UBE2U: variants seen among roughly 807,000 people sequenced by gnomAD.
UBE2U encodes the protein ubiquitin-conjugating enzyme E2 U.
In UBE2U, 39 loss-of-function variants were observed where a neutral mutation model predicts 41.2. That is an observed-to-expected ratio of 0.95 (90% CI 0.73 to 1.24). The LOEUF (loss-of-function observed/expected upper bound fraction) is 1.24, where lower values mean the gene tolerates loss of function less well. UBE2U is among the 50% of genes most tolerant of loss of function. The pLI, the probability that UBE2U is intolerant of heterozygous loss-of-function variation, is 0.00. For missense variants in UBE2U, 336 were observed against 363.1 expected, an observed-to-expected ratio of 0.93 and a Z score of 0.61; for synonymous variants, 107 against 117.8, an observed-to-expected ratio of 0.91 and a Z score of 0.60.
chr1:64,237,282 G>A (rs1040296278), intron 7 of UBE2U, among the ~76,000 whole-genome samples: 2 of 138,158 alleles, frequency 1.4e-5, no homozygotes, highest in East Asian at 2.2e-4. Context: ...CCGTACAGAT[G>A]TTGGACAAGA....
intron 6 of UBE2U, among the ~76,000 whole-genome samples, chr1:64,223,887 G>A (rs985098214): frequency 2.6e-5 from 4 of 152,156 alleles, no homozygotes; most frequent in African/African-American, 9.7e-5. Flanking sequence ...GCTACAGCAG[G>A]ACATCTTTCC....
chr1:64,224,493 C>A (rs976800652), intron 6 of UBE2U, among the ~76,000 whole-genome samples: 1 of 152,046 alleles, frequency 6.6e-6, no homozygotes, highest in African/African-American at 2.4e-5. Flanking sequence ...GAGGCCGAGG[C>A]GGGTGGATCA....
Position 64,267,215 on chromosome 1 carries a change from C to T in UBE2U, c.*7C>T, listed in dbSNP as rs1329240243. 2 of 1,484,706 alleles carry T rather than the reference C, an allele frequency of 1.3e-6. No individual in the cohort carries two copies. Among genetic ancestry groups the T allele is most frequent in the African/African-American group, 2.9e-5 (2 of 69,840 alleles). 92.0% of individuals were successfully genotyped at this position (1,484,706 alleles called of 1,614,324 possible). On this transcript the variant is annotated 3_prime_UTR_variant, in exon 10 of 10. Transcript: ENST00000371077. ...AAATACTTCAGAAGATTAAGCAGAA[C>T]ATTATCAGATTCAAAAAATAAACAG...
At chr1:64,224,935 TCACACACA>T (rs34259884) in intron 6 of UBE2U, among the ~76,000 whole-genome samples, 66 of 146,930 alleles carry the variant, frequency 4.5e-4, no homozygotes, top group African/African-American at 8.9e-4. Context: ...TAGGATATTA[TCACACACA>T]CACACACACA....
At chr1:64,255,111 A>G (rs1645069380) in intron 8 of UBE2U, among the ~76,000 whole-genome samples, 2 of 152,162 alleles carry the variant, frequency 1.3e-5, no homozygotes, top group South Asian at 4.1e-4. Context: ...CCACAGAAAT[A>G]CAAACAACAA....
At chr1:64,244,104 T>C in intron 8 of UBE2U, 1 of 1,556,128 alleles carries the variant, frequency 6.4e-7, no homozygotes, top group Non-Finnish European at 8.9e-7. Flanking sequence ...TTTAAAACTT[T>C]ACTGTGGCCC....
chr1:64,267,342 T>G lies in UBE2U; in HGVS notation c.*134T>G, dbSNP rs1305521150. 2 of 702,216 alleles carry G rather than the reference T, an allele frequency of 2.8e-6. No individual in the cohort carries two copies. Among genetic ancestry groups the G allele is most frequent in the Non-Finnish European group, 2.2e-6 (1 of 447,448 alleles). The allele number at this position is 702,216 out of a possible 1,614,324, so 43.5% of individuals were successfully genotyped here. ...CTCACCCACTCACTGCAAGTACAAA[T>G]TAGAAATATAAGTACAAATCAGTAA... On this transcript the variant is annotated 3_prime_UTR_variant, in exon 10 of 10. Transcript: ENST00000371077.
At chr1:64,228,501 GC>G (rs1653035269) in intron 6 of UBE2U, among the ~76,000 whole-genome samples, 1 of 152,132 alleles carries the variant, frequency 6.6e-6, no homozygotes, top group African/African-American at 2.4e-5. Context: ...ACCATGGTGT[GC>G]TTGGATTAGT....
intron 8 of UBE2U, 105 bp from the exon 9 acceptor site, chr1:64,260,498 T>C (rs1176262937): frequency 2.4e-6 from 2 of 827,956 alleles, no homozygotes; most frequent in Non-Finnish European, 3.7e-6. Context: ...AGCCTATTGT[T>C]CTACTTTTAT....
intron 8 of UBE2U, among the ~76,000 whole-genome samples, chr1:64,242,828 T>C (rs1644857826): frequency 6.6e-6 from 1 of 152,186 alleles, no homozygotes; most frequent in Admixed American, 6.5e-5. Flanking sequence ...CATGTTTTTT[T>C]CCTGAAGGCA....
intron 8 of UBE2U, among the ~76,000 whole-genome samples, chr1:64,255,742 A>G: frequency 6.6e-6 from 1 of 152,160 alleles, no homozygotes; most frequent in Non-Finnish European, 1.5e-5. Flanking sequence ...CCTATTCAAC[A>G]TAGTATTGGA....
At chr1:64,226,963 G>A (rs115502921) in intron 6 of UBE2U, among the ~76,000 whole-genome samples, 1 of 152,130 alleles carries the variant, frequency 6.6e-6, no homozygotes, top group Non-Finnish European at 1.5e-5. Flanking sequence ...AGAAAGCAAG[G>A]TTGGTTTAAT....
chr1:64,213,827 T>C (rs1360484710), intron 4 of UBE2U, among the ~76,000 whole-genome samples: 1 of 152,220 alleles, frequency 6.6e-6, no homozygotes, highest in East Asian at 1.9e-4. Context: ...CAAGATGGTA[T>C]AGCTTAATAC....
intron 8 of UBE2U, among the ~76,000 whole-genome samples, chr1:64,259,716 ATTT>A (rs1326738489): frequency 6.6e-6 from 1 of 151,994 alleles, no homozygotes; most frequent in Non-Finnish European, 1.5e-5. Flanking sequence ...ATTTTGTAAA[ATTT>A]TTGATTTCCA....
At chr1:64,224,821 C>T (rs997952468) in intron 6 of UBE2U, among the ~76,000 whole-genome samples, 1 of 151,848 alleles carries the variant, frequency 6.6e-6, no homozygotes, top group African/African-American at 2.4e-5. Context: ...TGTAACTACA[C>T]TTAACACTAC....
At chr1:64,214,582 A>C (rs1366205854) in intron 4 of UBE2U, among the ~76,000 whole-genome samples, 2 of 152,184 alleles carry the variant, frequency 1.3e-5, no homozygotes, top group African/African-American at 4.8e-5. Flanking sequence ...TACAGAAAGG[A>C]ACTTGTAACT....
At chr1:64,246,704 A>C (rs1315502527) in intron 8 of UBE2U, among the ~76,000 whole-genome samples, 1 of 152,212 alleles carries the variant, frequency 6.6e-6, no homozygotes, top group Non-Finnish European at 1.5e-5. Context: ...TAATTCAAGA[A>C]GCATTAAATA....
chr1:64,209,854 G>GC (rs1651558811), intron 3 of UBE2U, among the ~76,000 whole-genome samples: 1 of 152,012 alleles, frequency 6.6e-6, no homozygotes, highest in Non-Finnish European at 1.5e-5. Context: ...TGCCAATTTG[G>GC]TAAGAGTCTT....
intron 6 of UBE2U, among the ~76,000 whole-genome samples, chr1:64,221,218 T>A (rs1424914924): frequency 6.6e-6 from 1 of 152,130 alleles, no homozygotes; most frequent in Non-Finnish European, 1.5e-5. Flanking sequence ...TTCAAGCGAT[T>A]CTCCTGCCTC....
Sources: gnomAD v4.1 joint callset for allele counts (sites outside exome capture counted in the v4.1 genomes callset) on GRCh38, gnomAD v4.1.1 for gene constraint, MANE v1.5 for transcripts, NCBI Gene and HGNC (gene_info 2026-07-23, HGNC 2026-07-21) for gene names.